The following SLC39A11 variants were observed in gnomAD, a reference collection of about 807,000 sequenced individuals.
SLC39A11 encodes the protein zinc transporter ZIP11.
Under a neutral mutation model 36.1 loss-of-function variants are expected in SLC39A11, and 33 were observed. The observed-to-expected ratio is 0.91, with a 90% CI of 0.69 to 1.22. The LOEUF (loss-of-function observed/expected upper bound fraction) is 1.22, where lower values mean the gene tolerates loss of function less well. SLC39A11 is among the 50% of genes most tolerant of loss of function. SLC39A11 has a pLI of 0.00. For missense variants in SLC39A11, 432 were observed against 430.3 expected, an observed-to-expected ratio of 1.00 and a Z score of -0.03; for synonymous variants, 166 against 170.3, an observed-to-expected ratio of 0.97 and a Z score of 0.20.
chr17:72,797,090 G>A (rs779760103), intron 6 of SLC39A11, among the ~76,000 whole-genome samples: 32 of 152,088 alleles, frequency 2.1e-4, no homozygotes, highest in Non-Finnish European at 4.6e-4. Context: ...TGTGAGGAGC[G>A]TGTATCTCAC....
intron 5 of SLC39A11, among the ~76,000 whole-genome samples, chr17:72,922,990 AC>A (rs370305552): frequency 0.067 from 7,802 of 116,542 alleles, 1,402 homozygotes; most frequent in Non-Finnish European, 0.12. Context: ...AAAAAAAAAA[AC>A]ACACAGAAAA....
intron 6 of SLC39A11, among the ~76,000 whole-genome samples, chr17:72,804,032 G>A (rs1429902708): frequency 6.6e-6 from 1 of 151,376 alleles, no homozygotes; most frequent in Middle Eastern, 3.2e-3. Flanking sequence ...GTCTAGCTCT[G>A]TCGCTCAGGC....
chr17:72,743,709 C>T (rs1568018194), intron 6 of SLC39A11, among the ~76,000 whole-genome samples: 1 of 151,876 alleles, frequency 6.6e-6, no homozygotes, highest in South Asian at 2.1e-4. Context: ...GAATTCAGGC[C>T]GACACTGAAG....
intron 6 of SLC39A11, chr17:72,821,529 AAAAGTTGGGG>A (rs2077781878): frequency 6.7e-6 from 1 of 148,850 alleles, no homozygotes; most frequent in Non-Finnish European, 1.5e-5. Context: ...AAAAAAAAAA[AAAAGTTGGGG>A]GTGGGGAATT....
chr17:72,986,348 T>C (rs1438061007), intron 4 of SLC39A11, among the ~76,000 whole-genome samples: 1 of 152,124 alleles, frequency 6.6e-6, no homozygotes, highest in African/African-American at 2.4e-5. Flanking sequence ...GACAAACTGG[T>C]GGTTGCCAAG....
intron 5 of SLC39A11, among the ~76,000 whole-genome samples, chr17:72,916,623 G>A (rs2083348420): frequency 6.6e-6 from 1 of 152,090 alleles, no homozygotes; most frequent in South Asian, 2.1e-4. Context: ...CAACCATCCT[G>A]GCCTTAGTAC....
intron 5 of SLC39A11, among the ~76,000 whole-genome samples, chr17:72,856,151 A>T (rs1567831710): frequency 1.3e-5 from 2 of 152,214 alleles, no homozygotes; most frequent in African/African-American, 2.4e-5. Context: ...CAATTCCCTA[A>T]TAAATTTCCA....
intron 4 of SLC39A11, among the ~76,000 whole-genome samples, chr17:72,971,038 T>C (rs1194126093): frequency 6.6e-6 from 1 of 152,142 alleles, no homozygotes; most frequent in Admixed American, 6.5e-5. Flanking sequence ...GGATGTTACA[T>C]CGGAGAGGCT....
chr17:72,964,326 G>A (rs1384584374), intron 4 of SLC39A11, among the ~76,000 whole-genome samples: 1 of 152,240 alleles, frequency 6.6e-6, no homozygotes, highest in Non-Finnish European at 1.5e-5. Flanking sequence ...CCCTGGATGA[G>A]CTGCGTAGTT....
chr17:72,953,233 C>A (rs1343064338), intron 4 of SLC39A11, among the ~76,000 whole-genome samples: 1 of 151,940 alleles, frequency 6.6e-6, no homozygotes, highest in Non-Finnish European at 1.5e-5. Flanking sequence ...GGGGGCCAAT[C>A]CCTGGCTCGG....
At chr17:72,725,709 GTC>G (rs1180885433) in intron 7 of SLC39A11, 1 of 152,156 alleles carries the variant, frequency 6.6e-6, no homozygotes, top group Non-Finnish European at 1.5e-5. Context: ...AAATTCCACT[GTC>G]TCTTTGTAAG....
chr17:73,057,829 T>C (rs1012309101), intron 3 of SLC39A11, among the ~76,000 whole-genome samples: 1 of 152,018 alleles, frequency 6.6e-6, no homozygotes, highest in Non-Finnish European at 1.5e-5. Flanking sequence ...CCCAGCTACT[T>C]GGGAGGCTGA....
chr17:72,986,956 T>C (rs965329488), intron 4 of SLC39A11, among the ~76,000 whole-genome samples: 2 of 152,172 alleles, frequency 1.3e-5, no homozygotes, highest in South Asian at 4.1e-4. Flanking sequence ...TGACATAGTA[T>C]GGATGTGTGT....
chr17:72,739,849 G>C (rs912338553), intron 6 of SLC39A11, among the ~76,000 whole-genome samples: 5 of 152,016 alleles, frequency 3.3e-5, no homozygotes, highest in Non-Finnish European at 5.9e-5. Flanking sequence ...CCAATCCCTT[G>C]CACAGTTGAA....
chr17:73,084,988 C>T (rs1422381449), intron 2 of SLC39A11, 142 bp from the exon 3 acceptor site: 3 of 815,968 alleles, frequency 3.7e-6, no homozygotes. Flanking sequence ...TCAGTTTATA[C>T]CATGGGCCAA....
intron 7 of SLC39A11, 146 bp downstream of exon 7, chr17:72,736,504 G>T: frequency 1.5e-6 from 1 of 667,132 alleles, no homozygotes; most frequent in African/African-American, 1.8e-5. Context: ...GGCCTTCACC[G>T]GACCCCATGT....
At chr17:72,995,967 C>A (rs1473004118) in intron 4 of SLC39A11, among the ~76,000 whole-genome samples, 1 of 152,048 alleles carries the variant, frequency 6.6e-6, no homozygotes, top group Non-Finnish European at 1.5e-5. Context: ...TTTAGATCTA[C>A]CCCTAATTGT....
chr17:72,848,680 C>T (rs112274485), intron 6 of SLC39A11, among the ~76,000 whole-genome samples: 185 of 150,860 alleles, frequency 1.2e-3, no homozygotes, highest in African/African-American at 4.2e-3. Flanking sequence ...AAGATCGCTC[C>T]ACTGCACTCC....
At chr17:73,080,987 T>TAAATA (rs869200895) in intron 3 of SLC39A11, among the ~76,000 whole-genome samples, 11 of 143,890 alleles carry the variant, frequency 7.6e-5, no homozygotes, top group Admixed American at 6.2e-4. Context: ...AATAAATAAA[T>TAAATA]AATAAAAAGC....
Sources: gnomAD v4.1 joint callset for allele counts (sites outside exome capture counted in the v4.1 genomes callset) on GRCh38, gnomAD v4.1.1 for gene constraint, MANE v1.5 for transcripts, NCBI Gene and HGNC (gene_info 2026-07-23, HGNC 2026-07-21) for gene names.